RIPK4: variants seen among roughly 807,000 people sequenced by gnomAD.
The protein encoded by RIPK4 is receptor-interacting serine/threonine-protein kinase 4.
A neutral mutation model predicts 42.9 loss-of-function variants in RIPK4; 17 were observed. The ratio of observed to expected loss-of-function variants is 0.40; its 90% CI spans 0.27 to 0.59. The LOEUF (loss-of-function observed/expected upper bound fraction) is 0.59, where lower values mean the gene tolerates loss of function less well. Among genes scored for constraint, RIPK4 ranks in the 20% least tolerant of loss-of-function variants. RIPK4 has a pLI of 0.47. For synonymous variants in RIPK4, 498 were observed against 499.1 expected, an observed-to-expected ratio of 1.00 and a Z score of 0.03; for missense variants, 897 against 1,104.4, an observed-to-expected ratio of 0.81 and a Z score of 2.66.
chr21:41,744,177 T>A, intron 6 of RIPK4, 37 bp from the exon 7 acceptor site: 1 of 1,525,708 alleles, frequency 6.6e-7, no homozygotes, highest in Non-Finnish European at 8.8e-7. Flanking sequence ...GTGAAGACCC[T>A]GCCATAGACC....
intron 1 of RIPK4, among the ~76,000 whole-genome samples, chr21:41,762,471 G>A (rs917859025): frequency 6.6e-6 from 1 of 152,202 alleles, no homozygotes; most frequent in Non-Finnish European, 1.5e-5. Context: ...GTGCTCCCTA[G>A]GCGCACATCT....
intron 2 of RIPK4, 113 bp downstream of exon 2, chr21:41,756,412 C>T: frequency 7.6e-7 from 1 of 1,310,396 alleles, no homozygotes; most frequent in Non-Finnish European, 1.0e-6. Context: ...CCAAGAAGAA[C>T]CACCTCCTCT....
chr21:41,740,071 TAG>T lies in RIPK4; in HGVS notation c.*765_*766del, dbSNP rs891041878. The stretch of plus-strand genomic sequence containing the variant: ...TTTTAATGACTTAGGCCTGTGGCTC[TAG>T]AGTTGCCAAAACATCTTAGGCAACG... On this transcript the variant is annotated 3_prime_UTR_variant, in exon 8 of 8. Coordinates refer to ENST00000332512, the MANE Select transcript of RIPK4 (RefSeq NM_020639.3). 18 of 152,122 alleles carry T rather than the reference TAG, an allele frequency of 1.2e-4. No homozygotes were observed. Among genetic ancestry groups the T allele is most frequent in the African/African-American group, 3.9e-4 (16 of 41,408 alleles). The allele number at this position is 152,122 out of a possible 1,614,324, so 9.4% of individuals were successfully genotyped here. A position where few individuals can be genotyped will look rare whatever the true frequency, so the allele number is the denominator to read the frequency against.
At chr21:41,765,904 A>G (rs960384790) in intron 1 of RIPK4, among the ~76,000 whole-genome samples, 20 of 152,256 alleles carry the variant, frequency 1.3e-4, no homozygotes, top group African/African-American at 4.8e-4. Context: ...ACTGTTCAAG[A>G]ACATTCTCCC....
At chr21:41,759,908 G>A (rs758758692) in intron 1 of RIPK4, among the ~76,000 whole-genome samples, 1 of 152,158 alleles carries the variant, frequency 6.6e-6, no homozygotes, top group Non-Finnish European at 1.5e-5. Context: ...CCAAAGGCTC[G>A]GAGATCTCAG....
chr21:41,753,584 G>A (rs2061194766), intron 2 of RIPK4, among the ~76,000 whole-genome samples: 1 of 152,088 alleles, frequency 6.6e-6, no homozygotes, highest in African/African-American at 2.4e-5. Context: ...CTCACCCCGT[G>A]TCCTCAACAG....
chr21:41,745,545 G>A (rs1462578242), intron 6 of RIPK4, among the ~76,000 whole-genome samples: 4 of 152,176 alleles, frequency 2.6e-5, no homozygotes, highest in Non-Finnish European at 5.9e-5. Flanking sequence ...CGCCACTCAC[G>A]CAGAATCAGA....
chr21:41,745,944 C>T lies in RIPK4; in HGVS notation c.833-82G>A, dbSNP rs117571674. On this transcript the variant is annotated intron_variant, in intron 5 of 7. Coordinates refer to ENST00000332512, the MANE Select transcript of RIPK4 (RefSeq NM_020639.3). ...GTTCCATATAAACGCAGGGCCCCCA[C>T]GAGCTGGGGGATTTCTCACACGCCT... The T allele has an allele frequency of 8.5e-4, 960 of 1,133,008 alleles. 11 individuals are homozygous for T. The East Asian group carries it at 0.019, about 22-fold the overall frequency. The allele number at this position is 1,133,008 out of a possible 1,614,324, so 70.2% of individuals were successfully genotyped here.
In RIPK4 at chr21:41,756,693, G is replaced by T; in HGVS notation, c.306C>A (p.Gly102=). ...VGLVMEYMET[G]SLEKLLASEP... is the part of the protein sequence containing the mutation. Reference sequence around the variant, plus strand: ...CCGAAGCCAGCAGCTTTTCCAGGGAGCCCGTCTCCATGTACTCCATGACCA... The same window carrying T: ...CCGAAGCCAGCAGCTTTTCCAGGGATCCCGTCTCCATGTACTCCATGACCA... The change falls in exon 2 of 8, where the codon GGC becomes GGA. Residue 102 remains glycine, a synonymous_variant. Transcript: ENST00000332512. The T allele has an allele frequency of 6.2e-7, 1 of 1,614,212 alleles. No homozygotes were observed. The highest frequency in any genetic ancestry group is 1.1e-5 in the South Asian group (1 of 91,084).
At position 41,741,953 on chromosome 21, in the gene RIPK4, T is replaced by C; in HGVS notation, c.1240A>G (p.Ile414Val). 2 of 1,608,198 alleles carry C rather than the reference T, an allele frequency of 1.2e-6. No homozygotes were observed. The highest frequency in any genetic ancestry group is 1.7e-6 in the Non-Finnish European group (2 of 1,176,208). Residue 414 changes from isoleucine to valine, a missense_variant, in exon 8 of 8, where the codon ATC becomes GTC. Coordinates refer to ENST00000332512, the MANE Select transcript of RIPK4 (RefSeq NM_020639.3). ...DVQKKKLVDA[I>V]VSGDTSKLMK... ...AGTTTGCTGGTGTCCCCGGACACGA[T>C]GGCATCCACAAGCTTCTTCTTCTGG...
chr21:41,766,223 A>G (rs983608485), intron 1 of RIPK4, among the ~76,000 whole-genome samples: 25 of 152,228 alleles, frequency 1.6e-4, no homozygotes, highest in Admixed American at 4.6e-4. Context: ...CCCCACTGCC[A>G]GGCCCGAGCC....
intron 1 of RIPK4, among the ~76,000 whole-genome samples, chr21:41,758,430 G>C (rs73371615): frequency 3.3e-5 from 5 of 152,066 alleles, no homozygotes; most frequent in Non-Finnish European, 7.4e-5. Flanking sequence ...TCTGCTGCAC[G>C]AATGTACTGC....
rs563233846 is a variant in RIPK4, at chr21:41,745,876, A to G, written c.833-14T>C. The G allele has an allele frequency of 6.3e-7, 1 of 1,592,120 alleles. No individual in the cohort carries two copies. The highest frequency in any genetic ancestry group is 1.1e-5 in the South Asian group (1 of 90,648). ...CAGAAGTAATTTCTTGTGGGGAAGA[A>G]AGGGGACATGTCACTCGGATGATGA... is the stretch of plus-strand genomic sequence containing the variant. On this transcript the variant is annotated splice_polypyrimidine_tract_variant and intron_variant, in intron 5 of 7. Transcript: ENST00000332512.
At chr21:41,746,043 C>A (rs766005168) in intron 5 of RIPK4, 181 bp from the exon 6 acceptor site, 1 of 722,850 alleles carries the variant, frequency 1.4e-6, no homozygotes, top group Non-Finnish European at 2.5e-6. Flanking sequence ...CCAGGCCCCC[C>A]CATCGGTAAT....
intron 2 of RIPK4, among the ~76,000 whole-genome samples, chr21:41,754,081 AGAGGCGAATG>A (rs965146406): frequency 6.6e-6 from 1 of 152,284 alleles, no homozygotes; most frequent in African/African-American, 2.4e-5. Flanking sequence ...AGCCCATCTC[AGAGGCGAATG>A]GCAGCACTGG....
chr21:41,750,675 C>T (rs1312241732), intron 3 of RIPK4, among the ~76,000 whole-genome samples: 1 of 152,042 alleles, frequency 6.6e-6, no homozygotes, highest in East Asian at 1.9e-4. Flanking sequence ...TGGACTTAGC[C>T]CCCTTTCTGT....
At chr21:41,743,239 G>A (rs879436986) in intron 7 of RIPK4, among the ~76,000 whole-genome samples, 38 of 152,248 alleles carry the variant, frequency 2.5e-4, no homozygotes, top group Admixed American at 1.6e-3. Context: ...CCCTGCAGCC[G>A]GCAGAAAGGA....
Position 41,740,802 on chromosome 21 carries a change from GC to G in RIPK4, c.*35del. 1 of 1,554,444 alleles carries G rather than the reference GC, an allele frequency of 6.4e-7. No homozygotes were observed. ...ACGAGGAACACAGGACAGGACAAGAGCCCCACGTGGACCCCCGGTCTCCGCA... is the reference window on the plus strand; with the variant it reads ...ACGAGGAACACAGGACAGGACAAGAGCCCACGTGGACCCCCGGTCTCCGCA... On this transcript the variant is annotated 3_prime_UTR_variant, in exon 8 of 8. Transcript: ENST00000332512.
At chr21:41,762,097 G>A (rs572524079) in intron 1 of RIPK4, among the ~76,000 whole-genome samples, 8 of 152,342 alleles carry the variant, frequency 5.3e-5, no homozygotes, top group South Asian at 2.1e-4. Context: ...CCAGCTTTGC[G>A]CAACTGCCTG....
Sources: allele counts gnomAD v4.1 joint callset (sites outside exome capture counted in the v4.1 genomes callset), GRCh38; gene constraint gnomAD v4.1.1; transcripts MANE v1.5; gene names NCBI Gene and HGNC (gene_info 2026-07-23, HGNC 2026-07-21).